SPMAP2: variants seen among roughly 807,000 people sequenced by gnomAD.
The protein encoded by SPMAP2 is sperm microtubule associated protein 2.
chr19:373,876 G>A, the SPMAP2 span: 3 of 1,491,420 alleles, frequency 2.0e-6, no homozygotes, highest in Admixed American at 5.4e-5. Flanking sequence ...GAGTGAAGGG[G>A]TCCCCTGGAA....
chr19:373,677 G>T, the SPMAP2 span: 3 of 717,420 alleles, frequency 4.2e-6, no homozygotes, highest in East Asian at 8.3e-5. Context: ...ACAGTGGGGG[G>T]GCCGGCGGGA....
At chr19:371,367 G>T in the SPMAP2 span, 3,859 of 717,508 alleles carry the variant, frequency 5.4e-3, 92 homozygotes, top group East Asian at 0.066. Context: ...GCCGGGGGTG[G>T]GGGTGTGTGT....
chr19:363,888 C>G, the SPMAP2 span, among the ~76,000 whole-genome samples: 1 of 151,946 alleles, frequency 6.6e-6, no homozygotes, highest in Admixed American at 6.6e-5. Flanking sequence ...GGCTGGAGCA[C>G]GATCTTTAGC....
At chr19:371,456 C>T in the SPMAP2 span, 2 of 467,156 alleles carry the variant, frequency 4.3e-6, no homozygotes, top group Non-Finnish European at 7.6e-6. Context: ...GTCTGTCTTT[C>T]CCAGCTCCTC....
chr19:376,006 TC>T, the SPMAP2 span: 1 of 1,383,462 alleles, frequency 7.2e-7, no homozygotes, highest in Non-Finnish European at 9.3e-7. Flanking sequence ...GGCCTCACTC[TC>T]CCGGCACCCA....
At chr19:364,024 A>G in the SPMAP2 span, among the ~76,000 whole-genome samples, 1 of 151,994 alleles carries the variant, frequency 6.6e-6, no homozygotes. Context: ...CACTTAAAAC[A>G]GGGTGAATTA....
At chr19:362,537 G>A in the SPMAP2 span, 1 of 799,518 alleles carries the variant, frequency 1.3e-6, no homozygotes, top group Admixed American at 2.9e-5. Context: ...GAAGGCTGAG[G>A]CAGGTGGATC....
chr19:367,492 A>T, the SPMAP2 span, among the ~76,000 whole-genome samples: 1 of 152,224 alleles, frequency 6.6e-6, no homozygotes, highest in African/African-American at 2.4e-5. Flanking sequence ...GACCAATGTA[A>T]TATCAACAAT....
the SPMAP2 span, chr19:372,561 G>A: frequency 1.3e-5 from 20 of 1,508,872 alleles, no homozygotes; most frequent in Non-Finnish European, 1.8e-5. Context: ...ACAGCATCCT[G>A]TCAGGCGAGA....
chr19:373,875 G>A, the SPMAP2 span: 4 of 1,480,640 alleles, frequency 2.7e-6, no homozygotes, highest in East Asian at 2.4e-5. Context: ...GGAGTGAAGG[G>A]GTCCCCTGGA....
the SPMAP2 span, among the ~76,000 whole-genome samples, chr19:364,043 A>T: frequency 6.6e-6 from 1 of 151,982 alleles, no homozygotes; most frequent in African/African-American, 2.4e-5. Flanking sequence ...TACAAATAAA[A>T]AATATTTCGG....
the SPMAP2 span, among the ~76,000 whole-genome samples, chr19:370,948 CTGAGA>C: frequency 6.6e-6 from 1 of 152,178 alleles, no homozygotes; most frequent in African/African-American, 2.4e-5. Flanking sequence ...TTCTGAACAC[CTGAGA>C]TAAGACTGTT....
At chr19:365,279 CAG>C in the SPMAP2 span, among the ~76,000 whole-genome samples, 1 of 152,250 alleles carries the variant, frequency 6.6e-6, no homozygotes, top group Non-Finnish European at 1.5e-5. Flanking sequence ...CTCTGCCCGG[CAG>C]ATGCCCTTGT....
At chr19:364,327 GCT>G in the SPMAP2 span, among the ~76,000 whole-genome samples, 2 of 110,908 alleles carry the variant, frequency 1.8e-5, no homozygotes. Flanking sequence ...ACAGAGCGAA[GCT>G]CTGTCTCAAA....
the SPMAP2 span, among the ~76,000 whole-genome samples, chr19:363,819 G>A: frequency 6.6e-6 from 1 of 151,968 alleles, no homozygotes; most frequent in Non-Finnish European, 1.5e-5. Flanking sequence ...ACAGGTGTGG[G>A]CCACCGTGCC....
At chr19:367,217 T>C in the SPMAP2 span, 1 of 1,595,606 alleles carries the variant, frequency 6.3e-7, no homozygotes, top group Non-Finnish European at 8.5e-7. Flanking sequence ...CCTGGATACC[T>C]GGGACACCTG....
the SPMAP2 span, among the ~76,000 whole-genome samples, chr19:363,223 T>C: frequency 6.6e-6 from 1 of 152,332 alleles, no homozygotes; most frequent in Non-Finnish European, 1.5e-5. Flanking sequence ...TACAGAGCCT[T>C]GCTCTGTCGC....
chr19:371,396 G>GTGTGTATGTGTC, the SPMAP2 span: 1 of 613,714 alleles, frequency 1.6e-6, no homozygotes, highest in Admixed American at 3.2e-5. Flanking sequence ...GTGTGTGTGT[G>GTGTGTATGTGTC]TGTGTGTGTA....
chr19:366,018 G>A, the SPMAP2 span, among the ~76,000 whole-genome samples: 3 of 152,080 alleles, frequency 2.0e-5, no homozygotes, highest in Non-Finnish European at 2.9e-5. Flanking sequence ...GCAGGCTCCC[G>A]TAGTCCCAGC....
Sources: allele counts gnomAD v4.1 joint callset (sites outside exome capture counted in the v4.1 genomes callset), GRCh38; gene constraint gnomAD v4.1.1; transcripts MANE v1.5; gene names NCBI Gene and HGNC (gene_info 2026-07-23, HGNC 2026-07-21).